Variants in ZNF771 observed in about 807,000 individuals in gnomAD.
The protein encoded by ZNF771 is mesenchymal stem cell protein DSC43.
A neutral mutation model predicts 27.6 loss-of-function variants in ZNF771; 10 were observed. The observed-to-expected ratio is 0.36, with a 90% CI of 0.22 to 0.61. The LOEUF (loss-of-function observed/expected upper bound fraction) is 0.61, where lower values mean the gene tolerates loss of function less well. Among genes scored for constraint, ZNF771 ranks in the 20% least tolerant of loss-of-function variants. The pLI is 0.70. For synonymous variants in ZNF771, 261 were observed against 225.2 expected, an observed-to-expected ratio of 1.16 and a Z score of -1.43; for missense variants, 438 against 503.7, an observed-to-expected ratio of 0.87 and a Z score of 1.25.
chr16:30,413,635 T>A (rs941418262), intron 2 of ZNF771: 1 of 428,956 alleles, frequency 2.3e-6, no homozygotes, highest in African/African-American at 2.0e-5. Context: ...TGGCACGTGA[T>A]TGTAGCTCAC....
chr16:30,417,926 C>G lies in ZNF771; in HGVS notation c.513C>G (p.Gly171=). 6.6e-7 allele frequency: 1 copy of G among 1,517,816 alleles called. No individual in the cohort carries two copies. The highest frequency in any genetic ancestry group is 1.2e-5 in the South Asian group (1 of 81,766). 94.0% of individuals were successfully genotyped at this position (1,517,816 alleles called of 1,614,324 possible). A position where few individuals can be genotyped will look rare whatever the true frequency, so the allele number is the denominator to read the frequency against. ...NYAQHLRVHT[G]EKPYACPDCG... ...CACAGCACCTGCGCGTGCACACGGG[C>G]GAGAAGCCGTACGCGTGCCCGGACT... is the stretch of plus-strand genomic sequence containing the variant. The change falls in exon 3 of 3, where the codon GGC becomes GGG. Residue 171 remains glycine (G), a synonymous_variant. Coordinates refer to ENST00000319296, the MANE Select transcript of ZNF771 (RefSeq NM_001142305.2).
chr16:30,417,900 G>A lies in ZNF771; in HGVS notation c.487G>A (p.Ala163Thr), dbSNP rs2050144545. ...GRRFAQSSNYAQHLRVHTGEK... is the reference protein window; with the variant it reads ...GRRFAQSSNYTQHLRVHTGEK... ...CCGCTTCGCGCAGAGCTCCAACTAC[G>A]CACAGCACCTGCGCGTGCACACGGG... The change falls in exon 3 of 3, where the codon GCA (alanine) becomes ACA (threonine). Residue 163 changes from alanine to threonine, a missense_variant. Transcript: ENST00000319296. 1 of 1,518,920 alleles carries A rather than the reference G, an allele frequency of 6.6e-7. No individual in the cohort carries two copies. The allele number at this position is 1,518,920 out of a possible 1,614,324, so 94.1% of individuals were successfully genotyped here.
chr16:30,416,230 T>A (rs1381628152), intron 2 of ZNF771, among the ~76,000 whole-genome samples: 2 of 152,084 alleles, frequency 1.3e-5, no homozygotes, highest in Non-Finnish European at 2.9e-5. Context: ...TGTCTGCCCA[T>A]CCCCTGGATG....
chr16:30,418,439 C>T lies in ZNF771; in HGVS notation c.*72C>T, dbSNP rs2050150752. On this transcript the variant is annotated 3_prime_UTR_variant, in exon 3 of 3. Coordinates refer to ENST00000319296, the MANE Select transcript of ZNF771 (RefSeq NM_001142305.2). ...CACTAACCCAGGCTCCTCCTCGCCC[C>T]GGCCTCCGGGTCTGGGAAATTGAGG... 6.8e-6 allele frequency: 9 copies of T among 1,324,930 alleles called. No individual in the cohort carries two copies. The South Asian group carries it at 7.3e-5, about 11-fold the overall frequency. The allele number at this position is 1,324,930 out of a possible 1,614,324, so 82.1% of individuals were successfully genotyped here.
intron 2 of ZNF771, among the ~76,000 whole-genome samples, chr16:30,409,849 C>T (rs1278781590): frequency 1.3e-5 from 2 of 152,164 alleles, no homozygotes; most frequent in Admixed American, 1.3e-4. Context: ...GGGTGGACTT[C>T]CAGCTCCATC....
At chr16:30,410,946 C>G (rs962018708) in intron 2 of ZNF771, among the ~76,000 whole-genome samples, 2 of 151,454 alleles carry the variant, frequency 1.3e-5, no homozygotes, top group East Asian at 3.9e-4. Context: ...CTGAATGATC[C>G]CAGGAGTTCA....
At chr16:30,408,652 G>A (rs780841827) in intron 2 of ZNF771, among the ~76,000 whole-genome samples, 5 of 152,112 alleles carry the variant, frequency 3.3e-5, no homozygotes, top group East Asian at 3.8e-4. Context: ...CTATGATGTC[G>A]GTAGCATTTA....
chr16:30,413,228 C>A (rs1321384404), intron 2 of ZNF771, among the ~76,000 whole-genome samples: 1 of 152,156 alleles, frequency 6.6e-6, no homozygotes, highest in Non-Finnish European at 1.5e-5. Flanking sequence ...TGTTATAGTG[C>A]AAATACCATT....
chr16:30,418,244 C>G lies in ZNF771; in HGVS notation c.831C>G (p.His277Gln). The change falls in exon 3 of 3, where the codon CAC becomes CAG. Residue 277 changes from histidine to glutamine, a missense_variant. Around this residue, in one of 3 missense-constraint regions of ZNF771, gnomAD observed 305 missense variants for 308.0 expected, o/e 0.99. Transcript: ENST00000319296. The stretch of plus-strand genomic sequence containing the variant: ...GCCTAAGCTCGCACTTCATTCGCCA[C>G]CGACGCGCGCACATGCGGCGCCGCC... ...RFRLSSHFIR[H>Q]RRAHMRRRLY... is the part of the protein sequence containing the mutation. The G allele has an allele frequency of 6.6e-7, 1 of 1,515,844 alleles. No homozygotes were observed. The highest frequency in any genetic ancestry group is 8.8e-7 in the Non-Finnish European group (1 of 1,138,738). The allele number at this position is 1,515,844 out of a possible 1,614,324, so 93.9% of individuals were successfully genotyped here.
At position 30,417,956 on chromosome 16, in the gene ZNF771, A is replaced by T; in HGVS notation, c.543A>T (p.Gly181=). 1 of 1,486,736 alleles carries T rather than the reference A, an allele frequency of 6.7e-7. No homozygotes were observed. The highest frequency in any genetic ancestry group is 8.9e-7 in the Non-Finnish European group (1 of 1,129,588). 92.1% of individuals were successfully genotyped at this position (1,486,736 alleles called of 1,614,324 possible). The stretch of plus-strand genomic sequence containing the variant: ...AGCCGTACGCGTGCCCGGACTGCGG[A>T]CGCGCCTTTGGCGGCAGCTCGTGCC... ...GEKPYACPDC[G]RAFGGSSCLA... is the part of the protein sequence containing the mutation. Residue 181 remains glycine, a synonymous_variant, in exon 3 of 3, where the codon GGA becomes GGT. Coordinates refer to ENST00000319296, the MANE Select transcript of ZNF771 (RefSeq NM_001142305.2).
At chr16:30,411,557 G>C (rs547882218) in intron 2 of ZNF771, among the ~76,000 whole-genome samples, 3 of 152,288 alleles carry the variant, frequency 2.0e-5, no homozygotes, top group Admixed American at 2.0e-4. Flanking sequence ...TGTAGCGGTC[G>C]TAACTCCACC....
At chr16:30,415,382 CTTTTTTTTTTTT>C (rs397854803) in intron 2 of ZNF771, among the ~76,000 whole-genome samples, 4 of 132,220 alleles carry the variant, frequency 3.0e-5, no homozygotes, top group Admixed American at 7.7e-5. Flanking sequence ...TGCTGTCACC[CTTTTTTTTTTTT>C]TTTTTTTTTT....
Position 30,414,943 on chromosome 16 carries a change from C to A in ZNF771, c.142-2612C>A, listed in dbSNP as rs561421895. The stretch of plus-strand genomic sequence containing the variant: ...TACAGGCGTGAGCCACCGCGCCCGG[C>A]CTCTTTTTTTTTTTTTTTTTTTTTT... On this transcript the variant is annotated intron_variant, in intron 2 of 2. Transcript: ENST00000319296. Among the ~76,000 whole-genome samples the A allele has an allele frequency of 8.0e-4, 99 of 124,380 alleles. 1 individual carries two copies. Among genetic ancestry groups the A allele is most frequent in the African/African-American group, 3.0e-3 (95 of 31,218 alleles). The allele number at this position is 124,380 out of a possible 152,430, so 81.6% of individuals were successfully genotyped here.
At chr16:30,413,580 T>G (rs559096053) in intron 2 of ZNF771, 38 of 438,232 alleles carry the variant, frequency 8.7e-5, no homozygotes, top group Non-Finnish European at 1.6e-4. Context: ...TTTTTTTCTT[T>G]TTTTAGAGAC....
In ZNF771 at chr16:30,417,981, C is replaced by A; in HGVS notation, c.568C>A (p.Leu190Met). 1 of 1,485,456 alleles carries A rather than the reference C, an allele frequency of 6.7e-7. No homozygotes were observed. The highest frequency in any genetic ancestry group is 8.9e-7 in the Non-Finnish European group (1 of 1,127,838). 92.0% of individuals were successfully genotyped at this position (1,485,456 alleles called of 1,614,324 possible). Residue 190 changes from leucine to methionine, a missense_variant, in exon 3 of 3, where the codon CTG (leucine) becomes ATG (methionine). Transcript: ENST00000319296. ...CGRAFGGSSC[L>M]ARHRRTHTGE... is the part of the protein sequence containing the mutation. The stretch of plus-strand genomic sequence containing the variant: ...ACGCGCCTTTGGCGGCAGCTCGTGC[C>A]TGGCGCGCCACCGACGCACGCACAC...
chr16:30,407,912 G>A (rs1433935956), intron 1 of ZNF771, 133 bp from the exon 2 acceptor site: 2 of 619,816 alleles, frequency 3.2e-6, no homozygotes, highest in East Asian at 5.9e-5. Flanking sequence ...GACGGGAGAG[G>A]ACCAGATTCG....
rs2050147812 is a variant in ZNF771, at chr16:30,418,152, G to A, written c.739G>A (p.Ala247Thr). 6.8e-7 allele frequency: 1 copy of A among 1,475,624 alleles called. No homozygotes were observed. Among genetic ancestry groups the A allele is most frequent in the Non-Finnish European group, 8.9e-7 (1 of 1,120,010 alleles). 91.4% of individuals were successfully genotyped at this position (1,475,624 alleles called of 1,614,324 possible). The change falls in exon 3 of 3, where the codon GCG becomes ACG. Residue 247 changes from alanine (A) to threonine (T), a missense_variant. By Grantham distance (58) the Ala-to-Thr change is moderately conservative. Around this residue, in one of 3 missense-constraint regions of ZNF771, gnomAD observed 305 missense variants for 308.0 expected, o/e 0.99. Transcript: ENST00000319296. ...GRRFGHRSNL[A>T]EHARTHTGER... ...TCGCTTCGGCCACCGCTCCAACCTG[G>A]CGGAGCACGCGCGCACGCACACAGG...
intron 2 of ZNF771, among the ~76,000 whole-genome samples, chr16:30,409,733 C>T (rs978345950): frequency 1.3e-5 from 2 of 152,162 alleles, no homozygotes; most frequent in African/African-American, 2.4e-5. Context: ...GTGTTTGTTG[C>T]GGGCCCCCTT....
intron 1 of ZNF771, 50 bp from the exon 2 acceptor site, chr16:30,407,995 G>C (rs1470792366): frequency 1.1e-6 from 1 of 902,906 alleles, no homozygotes. Flanking sequence ...GGCGGGGGGG[G>C]GGGTGGGGGG....
Sources: gnomAD v4.1 joint callset for allele counts (sites outside exome capture counted in the v4.1 genomes callset) on GRCh38, gnomAD v4.1.1 for gene constraint, gnomAD v4.1.1 regional missense constraint, MANE v1.5 for transcripts, NCBI Gene and HGNC (gene_info 2026-07-23, HGNC 2026-07-21) for gene names.